The following FOXP2 variants were observed in gnomAD, a reference collection of about 807,000 sequenced individuals.
FOXP2 encodes forkhead box P2.
A neutral mutation model predicts 115.8 loss-of-function variants in FOXP2; 12 were observed. The ratio of observed to expected loss-of-function variants is 0.10; its 90% CI spans 0.07 to 0.17. The LOEUF is 0.17. Ranked by LOEUF, FOXP2 falls within the 10% of genes least tolerant of loss-of-function variation. FOXP2 has a pLI of 1.00. For missense variants in FOXP2, 629 were observed against 843.5 expected, an observed-to-expected ratio of 0.75 and a Z score of 3.15; for synonymous variants, 328 against 297.7, an observed-to-expected ratio of 1.10 and a Z score of -1.05.
At chr7:114,238,084 G>A (rs1239772678) in intron 1 of FOXP2, among the ~76,000 whole-genome samples, 1 of 152,154 alleles carries the variant, frequency 6.6e-6, no homozygotes, top group African/African-American at 2.4e-5. Flanking sequence ...TGTATTTTTT[G>A]TTAACCAATT....
chr7:114,218,026 C>A (rs969502865), intron 1 of FOXP2, among the ~76,000 whole-genome samples: 4 of 152,082 alleles, frequency 2.6e-5, no homozygotes, highest in Admixed American at 6.6e-5. Flanking sequence ...TAAGATCATA[C>A]TTTGTACACA....
chr7:114,562,779 T>C (rs1321981814), intron 3 of FOXP2, among the ~76,000 whole-genome samples: 1 of 152,204 alleles, frequency 6.6e-6, no homozygotes, highest in African/African-American at 2.4e-5. Flanking sequence ...ACCCTGTTTT[T>C]TTTTTCTTCA....
intron 2 of FOXP2, among the ~76,000 whole-genome samples, chr7:114,346,892 A>G (rs1791362154): frequency 6.6e-6 from 1 of 151,810 alleles, no homozygotes; most frequent in Non-Finnish European, 1.5e-5. Flanking sequence ...GGGTGAGTGG[A>G]AGAGAGGCTT....
At chr7:114,688,978 A>G (rs1003781358) in intron 16 of FOXP2, among the ~76,000 whole-genome samples, 3 of 152,130 alleles carry the variant, frequency 2.0e-5, no homozygotes, top group Admixed American at 6.6e-5. Context: ...AAAAAGGATG[A>G]AAAAATTTGA....
At chr7:114,484,690 A>T (rs914297049) in intron 2 of FOXP2, among the ~76,000 whole-genome samples, 1 of 151,926 alleles carries the variant, frequency 6.6e-6, no homozygotes, top group African/African-American at 2.4e-5. Context: ...TCATATCCTG[A>T]ATTGCACCTG....
At chr7:114,335,229 T>A (rs150806750) in intron 2 of FOXP2, among the ~76,000 whole-genome samples, 1,908 of 151,644 alleles carry the variant, frequency 0.013, 29 homozygotes, top group African/African-American at 0.034. Context: ...AAAGCTATAA[T>A]AAACTGGTAT....
chr7:114,516,621 C>T (rs1300544773), intron 2 of FOXP2, among the ~76,000 whole-genome samples: 1 of 151,804 alleles, frequency 6.6e-6, no homozygotes, highest in African/African-American at 2.4e-5. Context: ...ATTTATATTC[C>T]CACCAAGAGC....
At chr7:114,418,551 A>C (rs1247959145) in intron 1 of FOXP2, among the ~76,000 whole-genome samples, 1 of 151,882 alleles carries the variant, frequency 6.6e-6, no homozygotes, top group African/African-American at 2.4e-5. Context: ...GAACCATAGA[A>C]GAAAAAAAGA....
intron 2 of FOXP2, among the ~76,000 whole-genome samples, chr7:114,463,910 C>T (rs1001411652): frequency 6.6e-6 from 1 of 152,068 alleles, no homozygotes; most frequent in Non-Finnish European, 1.5e-5. Flanking sequence ...TAATCAATAA[C>T]TAACAAAGAG....
intron 3 of FOXP2, among the ~76,000 whole-genome samples, chr7:114,566,971 A>C (rs1801055137): frequency 6.6e-6 from 1 of 151,976 alleles, no homozygotes; most frequent in Non-Finnish European, 1.5e-5. Context: ...TCACCTTATC[A>C]CTAAATATGA....
At chr7:114,404,037 A>G (rs1792956227) in intron 2 of FOXP2, among the ~76,000 whole-genome samples, 1 of 152,188 alleles carries the variant, frequency 6.6e-6, no homozygotes, top group African/African-American at 2.4e-5. Context: ...AAATTCACTA[A>G]TACTATAGTT....
At chr7:114,666,140 T>C (rs911165279) in intron 16 of FOXP2, 1 of 152,104 alleles carries the variant, frequency 6.6e-6, no homozygotes, top group Non-Finnish European at 1.5e-5. Context: ...ATGTTCATAG[T>C]TAATATATAA....
chr7:114,156,515 C>T (rs894222984), intron 1 of FOXP2, among the ~76,000 whole-genome samples: 1 of 152,146 alleles, frequency 6.6e-6, no homozygotes, highest in East Asian at 1.9e-4. Flanking sequence ...TTTGAATCCA[C>T]CTATGACCGG....
intron 2 of FOXP2, among the ~76,000 whole-genome samples, chr7:114,403,147 A>G (rs1792933220): frequency 6.6e-6 from 1 of 152,228 alleles, no homozygotes; most frequent in African/African-American, 2.4e-5. Context: ...TAGTCTGTAT[A>G]TTATGTAACA....
intron 1 of FOXP2, among the ~76,000 whole-genome samples, chr7:114,144,438 A>G (rs1792307856): frequency 6.6e-6 from 1 of 152,102 alleles, no homozygotes; most frequent in South Asian, 2.1e-4. Context: ...TTAGTATTAC[A>G]TTGGATGACT....
At chr7:114,543,073 A>T (rs960165803) in intron 3 of FOXP2, among the ~76,000 whole-genome samples, 3 of 151,762 alleles carry the variant, frequency 2.0e-5, no homozygotes, top group Admixed American at 1.3e-4. Context: ...GAGCCACCAT[A>T]CCCGGCCTGT....
At chr7:114,291,038 C>T (rs983757545) in intron 2 of FOXP2, among the ~76,000 whole-genome samples, 5 of 152,214 alleles carry the variant, frequency 3.3e-5, no homozygotes, top group African/African-American at 4.8e-5. Context: ...ATGGGTCTTA[C>T]AAGAAATGCT....
At chr7:114,484,857 G>A (rs113122981) in intron 2 of FOXP2, among the ~76,000 whole-genome samples, 1 of 151,786 alleles carries the variant, frequency 6.6e-6, no homozygotes, top group African/African-American at 2.4e-5. Flanking sequence ...ATAAAGAATA[G>A]CTTTTTGGGT....
chr7:114,518,413 G>A (rs1798447729), intron 2 of FOXP2, among the ~76,000 whole-genome samples: 1 of 152,022 alleles, frequency 6.6e-6, no homozygotes, highest in East Asian at 1.9e-4. Flanking sequence ...AACAATGCTT[G>A]ACAGTGAATT....
Sources: allele counts gnomAD v4.1 joint callset (sites outside exome capture counted in the v4.1 genomes callset), GRCh38; gene constraint gnomAD v4.1.1; transcripts MANE v1.5; gene names NCBI Gene and HGNC (gene_info 2026-07-23, HGNC 2026-07-21).